Variants in FANCL observed in about 807,000 individuals in gnomAD.
The protein encoded by FANCL is E3 ubiquitin-protein ligase FANCL.
Under a neutral mutation model 59.4 loss-of-function variants are expected in FANCL, and 69 were observed. The observed-to-expected ratio is 1.16, with a 90% CI of 0.96 to 1.42. The LOEUF (loss-of-function observed/expected upper bound fraction) is 1.42. Among genes scored for constraint, FANCL ranks in the 40% most tolerant of loss-of-function variants. FANCL has a pLI of 0.00. For synonymous variants in FANCL, 180 were observed against 147.1 expected (o/e 1.22, Z -1.62); for missense variants, 519 against 447.2 (o/e 1.16, Z -1.45).
At chr2:58,163,193 T>C in intron 9 of FANCL, 119 bp from the exon 10 acceptor site, 1 of 945,572 alleles carries the variant, frequency 1.1e-6, no homozygotes, top group Non-Finnish European at 1.6e-6. Context: ...ATATGTATTA[T>C]GTTAAAAAAC....
At chr2:58,190,166 T>C (rs1349003873) in intron 7 of FANCL, among the ~76,000 whole-genome samples, 1 of 152,004 alleles carries the variant, frequency 6.6e-6, no homozygotes, top group Non-Finnish European at 1.5e-5. Context: ...CAAACACTGT[T>C]ATCTGTCAAG....
At chr2:58,175,304 T>C (rs539622022) in intron 7 of FANCL, among the ~76,000 whole-genome samples, 1 of 149,002 alleles carries the variant, frequency 6.7e-6, no homozygotes, top group South Asian at 2.1e-4. Flanking sequence ...ATCATTCTGA[T>C]ACCAAAGCCG....
intron 7 of FANCL, among the ~76,000 whole-genome samples, chr2:58,196,047 G>A (rs935943657): frequency 6.6e-5 from 10 of 151,826 alleles, no homozygotes; most frequent in African/African-American, 2.2e-4. Flanking sequence ...TTAACATAAT[G>A]GAATAATATA....
At chr2:58,174,272 T>G (rs912511038) in intron 7 of FANCL, among the ~76,000 whole-genome samples, 11 of 152,094 alleles carry the variant, frequency 7.2e-5, no homozygotes, top group African/African-American at 2.7e-4. Context: ...TGAACTCAGC[T>G]CTGCACCAAG....
intron 5 of FANCL, among the ~76,000 whole-genome samples, chr2:58,207,690 G>C (rs1239237985): frequency 3.9e-5 from 6 of 152,152 alleles, no homozygotes. Flanking sequence ...TTGGTGTTTG[G>C]TGTATGGAAG....
At chr2:58,220,377 T>C (rs1193562584) in intron 5 of FANCL, among the ~76,000 whole-genome samples, 2 of 152,198 alleles carry the variant, frequency 1.3e-5, no homozygotes, top group Non-Finnish European at 2.9e-5. Flanking sequence ...AGTCAAATTT[T>C]AGTGGTTAAA....
At chr2:58,189,992 A>G (rs936655828) in intron 7 of FANCL, among the ~76,000 whole-genome samples, 2 of 152,056 alleles carry the variant, frequency 1.3e-5, no homozygotes, top group African/African-American at 2.4e-5. Flanking sequence ...TTAAGAAATA[A>G]AGCTTTTTAA....
rs1558806027 is a variant in FANCL, at chr2:58,217,145, T to TTATATATATATTTATATATATTTTATA, written c.374+4796_374+4797insTATAAAATATATATAAATATATATATA. On this transcript the variant is annotated intron_variant, in intron 5 of 13. Coordinates refer to ENST00000233741, the MANE Select transcript of FANCL (RefSeq NM_018062.4). ...TATATATATATTTTTATATATAGATTTATATATATATTTATATATTTTATA... is the reference window on the plus strand; with the variant it reads ...TATATATATATTTTTATATATAGATTTATATATATATTTATATATATTTTATATATATATATATTTATATATTTTATA... Among the ~76,000 whole-genome samples, 112 of 67,600 alleles carry TTATATATATATTTATATATATTTTATA rather than the reference T, an allele frequency of 1.7e-3. 3 individuals carry two copies. Among genetic ancestry groups the TTATATATATATTTATATATATTTTATA allele is most frequent in the African/African-American group, 4.8e-3 (112 of 23,298 alleles). The allele number at this position is 67,600 out of a possible 152,430, so 44.3% of individuals were successfully genotyped here.
intron 7 of FANCL, among the ~76,000 whole-genome samples, chr2:58,187,420 T>TG (rs1332354116): frequency 3.6e-5 from 1 of 27,972 alleles, no homozygotes; most frequent in Non-Finnish European, 6.8e-5. Flanking sequence ...TGTCGTGGGG[T>TG]GGGGGGGATG....
chr2:58,234,483 A>G (rs1693840042), intron 1 of FANCL, among the ~76,000 whole-genome samples: 1 of 151,918 alleles, frequency 6.6e-6, no homozygotes, highest in African/African-American at 2.4e-5. Context: ...ATTAAAGACC[A>G]TCAGAGAAAA....
chr2:58,188,338 TCTAA>T (rs1234327038), intron 7 of FANCL, among the ~76,000 whole-genome samples: 4 of 152,228 alleles, frequency 2.6e-5, no homozygotes, highest in African/African-American at 4.8e-5. Flanking sequence ...GTGTTAGTCT[TCTAA>T]CTTTTTTTCT....
chr2:58,191,447 A>G (rs1247320981), intron 7 of FANCL, among the ~76,000 whole-genome samples: 1 of 151,862 alleles, frequency 6.6e-6, no homozygotes, highest in African/African-American at 2.4e-5. Flanking sequence ...ATTAACCAAT[A>G]AAACTGTGAA....
chr2:58,201,859 A>G (rs998748499), intron 6 of FANCL, among the ~76,000 whole-genome samples: 1 of 151,954 alleles, frequency 6.6e-6, no homozygotes, highest in African/African-American at 2.4e-5. Context: ...TATGTATTCC[A>G]GAATAAATAG....
chr2:58,233,499 A>C (rs1483782492), intron 1 of FANCL, among the ~76,000 whole-genome samples: 1 of 152,068 alleles, frequency 6.6e-6, no homozygotes, highest in Non-Finnish European at 1.5e-5. Flanking sequence ...ATCTCCCCAC[A>C]TATCATACCA....
rs369016129 is a variant in FANCL, at chr2:58,171,011, C to G, written c.541-5137G>C. ...GGATATTCAGGAGTTGAACTCAGCTCTGGACCAAGCAGACCTAATAGACAT... is the reference window on the plus strand; with the variant it reads ...GGATATTCAGGAGTTGAACTCAGCTGTGGACCAAGCAGACCTAATAGACAT... On this transcript the variant is annotated intron_variant, in intron 7 of 13. Coordinates refer to ENST00000233741, the MANE Select transcript of FANCL (RefSeq NM_018062.4). 2.4e-4 allele frequency among the ~76,000 whole-genome samples: 36 copies of G among 151,898 alleles called. No homozygotes were observed. In the East Asian group the frequency reaches 6.6e-3, roughly 28 times the overall value.
intron 5 of FANCL, among the ~76,000 whole-genome samples, chr2:58,216,133 G>T (rs1221629642): frequency 1.3e-5 from 2 of 152,264 alleles, no homozygotes; most frequent in Admixed American, 1.3e-4. Flanking sequence ...TCTACCAGGG[G>T]GGAAATCCCA....
chr2:58,202,236 T>C (rs1320821050), intron 6 of FANCL, among the ~76,000 whole-genome samples: 1 of 93,378 alleles, frequency 1.1e-5, no homozygotes, highest in Non-Finnish European at 2.0e-5. Flanking sequence ...TATACCTTTT[T>C]CCTAAAAAAA....
At chr2:58,198,537 A>G in intron 7 of FANCL, 57 bp downstream of exon 7, 3 of 1,438,966 alleles carry the variant, frequency 2.1e-6, no homozygotes, top group Non-Finnish European at 2.9e-6. Flanking sequence ...ACTCTGGGAC[A>G]ACTGTACTTT....
intron 7 of FANCL, among the ~76,000 whole-genome samples, chr2:58,173,523 A>G (rs538815317): frequency 6.6e-6 from 1 of 152,300 alleles, no homozygotes; most frequent in Non-Finnish European, 1.5e-5. Flanking sequence ...AGAATTTCAT[A>G]TCCAGCCAAA....
Sources: gnomAD v4.1 joint callset for allele counts (sites outside exome capture counted in the v4.1 genomes callset) on GRCh38, gnomAD v4.1.1 for gene constraint, MANE v1.5 for transcripts, NCBI Gene and HGNC (gene_info 2026-07-23, HGNC 2026-07-21) for gene names.